The following POLA1 variants were observed in gnomAD, a reference collection of about 807,000 sequenced individuals.
POLA1 encodes DNA polymerase alpha catalytic subunit.
A neutral mutation model predicts 124.0 loss-of-function variants in POLA1; 15 were observed. The ratio of observed to expected loss-of-function variants is 0.12; its 90% CI spans 0.08 to 0.19. The LOEUF is 0.19. Among genes scored for constraint, POLA1 ranks in the 10% least tolerant of loss-of-function variants. The probability of loss-of-function intolerance (pLI) is 1.00; values close to 1 mark genes in which losing one functional copy is unlikely to be tolerated. For missense variants in POLA1, 886 were observed against 1,103.4 expected, an observed-to-expected ratio of 0.80 and a Z score of 2.79; for synonymous variants, 408 against 389.4, an observed-to-expected ratio of 1.05 and a Z score of -0.56.
At chrX:24,823,682 G>T (rs1215844569) in intron 31 of POLA1, among the ~76,000 whole-genome samples, 1 of 112,563 alleles carries the variant, frequency 8.9e-6, no homozygotes, top group Non-Finnish European at 1.9e-5. Flanking sequence ...GGGATTACAG[G>T]CGTGAGCCAC....
chrX:24,847,316 T>A (rs750244299), intron 34 of POLA1, among the ~76,000 whole-genome samples: 23 of 112,180 alleles, frequency 2.1e-4, no homozygotes, highest in South Asian at 1.1e-3. Flanking sequence ...AAAGAGCCAT[T>A]TGCCTCTAAC....
chrX:24,773,202 T>A (rs1221692612), intron 26 of POLA1, among the ~76,000 whole-genome samples: 2 of 112,456 alleles, frequency 1.8e-5, no homozygotes, highest in African/African-American at 6.5e-5. Flanking sequence ...AATCAAACAA[T>A]GTGAACTGAA....
chrX:24,767,158 C>T, intron 26 of POLA1, among the ~76,000 whole-genome samples: 1 of 112,295 alleles, frequency 8.9e-6, no homozygotes, highest in Non-Finnish European at 1.9e-5. Context: ...TACAGGACAT[C>T]TCATTTTATC....
intron 34 of POLA1, among the ~76,000 whole-genome samples, chrX:24,882,578 C>G (rs1351795924): frequency 9.0e-6 from 1 of 111,133 alleles, no homozygotes; most frequent in Non-Finnish European, 1.9e-5. Context: ...ATTTGGTTTT[C>G]TGTTCCTGCA....
At chrX:24,809,062 G>T (rs2045854013) in intron 26 of POLA1, among the ~76,000 whole-genome samples, 1 of 110,519 alleles carries the variant, frequency 9.0e-6, no homozygotes, top group Non-Finnish European at 1.9e-5. Context: ...AACAAGAGAG[G>T]ATATTAATAG....
chrX:24,937,450 C>T (rs2047864882), intron 36 of POLA1, among the ~76,000 whole-genome samples: 2 of 111,311 alleles, frequency 1.8e-5, no homozygotes, highest in Non-Finnish European at 3.8e-5. Context: ...TGAGCATGTA[C>T]TGCTCTCATA....
chrX:24,827,551 C>T (rs1569328648), intron 32 of POLA1, among the ~76,000 whole-genome samples: 1 of 112,356 alleles, frequency 8.9e-6, no homozygotes, highest in Admixed American at 9.4e-5. Context: ...CCAAATATGG[C>T]ACTGCCCATT....
At chrX:24,711,141 C>T (rs1929397448) in intron 4 of POLA1, among the ~76,000 whole-genome samples, 1 of 110,922 alleles carries the variant, frequency 9.0e-6, no homozygotes, top group Non-Finnish European at 1.9e-5. Context: ...TCCTGCCACG[C>T]TCGGCTAATT....
intron 26 of POLA1, among the ~76,000 whole-genome samples, chrX:24,761,036 G>A (rs776516914): frequency 1.3e-3 from 140 of 111,986 alleles, no homozygotes; most frequent in Non-Finnish European, 2.2e-3. Flanking sequence ...GTTTTAAAAA[G>A]CAATATGAAA....
chrX:24,976,464 T>G (rs913359432), intron 36 of POLA1, among the ~76,000 whole-genome samples: 3 of 112,397 alleles, frequency 2.7e-5, no homozygotes, highest in African/African-American at 9.7e-5. Context: ...AAAAATTTCC[T>G]TTAAAAGTTC....
At chrX:24,837,467 T>G (rs1455265931) in intron 32 of POLA1, among the ~76,000 whole-genome samples, 2 of 112,302 alleles carry the variant, frequency 1.8e-5, no homozygotes, top group Non-Finnish European at 1.9e-5. Flanking sequence ...CTGAGTAGTA[T>G]TATGGTAGAT....
intron 35 of POLA1, among the ~76,000 whole-genome samples, chrX:24,928,120 A>G (rs891935616): frequency 6.2e-5 from 7 of 112,208 alleles, no homozygotes; most frequent in Admixed American, 1.9e-4. Flanking sequence ...AAAATATGTC[A>G]GGAATCAAAA....
At chrX:24,728,531 T>A (rs1025040028) in intron 15 of POLA1, among the ~76,000 whole-genome samples, 2 of 112,147 alleles carry the variant, frequency 1.8e-5, no homozygotes, top group African/African-American at 6.5e-5. Context: ...TTAATCTATG[T>A]GCCTCTTGAA....
At chrX:24,713,702 A>C (rs1273834524) in intron 4 of POLA1, among the ~76,000 whole-genome samples, 1 of 112,541 alleles carries the variant, frequency 8.9e-6, no homozygotes, top group African/African-American at 3.2e-5. Context: ...GGCGTGAGCC[A>C]CCGCACCCGG....
rs1192650550 is a variant in POLA1 at position 24,745,488 on chromosome X, C to T, written c.2637C>T (p.Asn879=). Residue 879 remains asparagine, a synonymous_variant, in exon 24 of 37, where the codon AAC becomes AAT. Coordinates refer to ENST00000379068, the MANE Select transcript of POLA1 (RefSeq NM_001330360.2). ...SLYPSIIQEF[N]ICFTTVQRVA... ...ATCCTTCCATCATTCAGGAATTTAA[C>T]ATTTGTTTTACAACAGTACAAAGAG... The T allele has an allele frequency of 4.3e-6, 5 of 1,155,631 alleles. No individual in the cohort carries two copies. The highest frequency in any genetic ancestry group is 5.9e-6 in the Non-Finnish European group (5 of 846,655).
At chrX:24,842,827 T>C (rs1167796704) in intron 33 of POLA1, among the ~76,000 whole-genome samples, 1 of 111,908 alleles carries the variant, frequency 8.9e-6, no homozygotes, top group East Asian at 2.8e-4. Context: ...GAAACCAAGA[T>C]GTTTAAGTAT....
chrX:24,919,809 T>G (rs35945872), intron 35 of POLA1, among the ~76,000 whole-genome samples: 12 of 89,436 alleles, frequency 1.3e-4, no homozygotes, highest in Admixed American at 6.4e-4. Flanking sequence ...TTTTTTTTTG[T>G]TTTTTTTTTT....
intron 36 of POLA1, among the ~76,000 whole-genome samples, chrX:24,956,367 A>T (rs1374853940): frequency 2.8e-5 from 3 of 108,926 alleles, no homozygotes; most frequent in African/African-American, 6.6e-5. Context: ...TATATATATA[A>T]AACCCAAAAT....
intron 4 of POLA1, among the ~76,000 whole-genome samples, chrX:24,704,773 CA>C (rs1270993964): frequency 8.9e-6 from 1 of 112,071 alleles, no homozygotes; most frequent in East Asian, 2.8e-4. Context: ...AGGGCTGCAA[CA>C]GTAATTGATC....
Sources: gnomAD v4.1 joint callset for allele counts (sites outside exome capture counted in the v4.1 genomes callset) on GRCh38, gnomAD v4.1.1 for gene constraint, MANE v1.5 for transcripts, NCBI Gene and HGNC (gene_info 2026-07-23, HGNC 2026-07-21) for gene names.